The following SRP68 variants were observed in gnomAD, a reference collection of about 807,000 sequenced individuals.
SRP68 encodes the protein signal recognition particle subunit SRP68.
A neutral mutation model predicts 82.2 loss-of-function variants in SRP68; 15 were observed. That is an observed-to-expected ratio of 0.18 (90% CI 0.12 to 0.28). The LOEUF (loss-of-function observed/expected upper bound fraction) is 0.28. SRP68 is among the 10% of genes least tolerant of loss of function. The pLI is 1.00. For missense variants in SRP68, 595 were observed against 780.5 expected, an observed-to-expected ratio of 0.76 and a Z score of 2.83; for synonymous variants, 261 against 292.6, an observed-to-expected ratio of 0.89 and a Z score of 1.10.
intron 2 of SRP68, among the ~76,000 whole-genome samples, chr17:76,069,805 G>A (rs1179019684): frequency 2.7e-5 from 4 of 150,712 alleles, no homozygotes; most frequent in East Asian, 2.0e-4. Context: ...GGCCAGACAC[G>A]GTGGCTCACG....
intron 8 of SRP68, among the ~76,000 whole-genome samples, chr17:76,050,765 G>GCTGT (rs1228638820): frequency 9.5e-6 from 1 of 105,148 alleles, no homozygotes. Flanking sequence ...TGCTGAAAAA[G>GCTGT]CTGTCTGCAT....
At chr17:76,064,617 T>C (rs1361500682) in intron 3 of SRP68, among the ~76,000 whole-genome samples, 1 of 151,948 alleles carries the variant, frequency 6.6e-6, no homozygotes, top group Non-Finnish European at 1.5e-5. Flanking sequence ...GAGCCAGGCA[T>C]ATCACCTGAG....
At position 76,044,068 on chromosome 17, in the gene SRP68, G is replaced by A. The variant is rs2066611817; in HGVS notation, c.1395-110C>T. 9 of 1,285,776 alleles carry A rather than the reference G, an allele frequency of 7.0e-6. No homozygotes were observed. In the Admixed American group the frequency reaches 8.2e-5, roughly 12 times the overall value. The allele number at this position is 1,285,776 out of a possible 1,614,324, so 79.6% of individuals were successfully genotyped here. On this transcript the variant is annotated intron_variant, in intron 12 of 15. Coordinates refer to ENST00000307877, the MANE Select transcript of SRP68 (RefSeq NM_014230.4). ...CACATTTGGAAACAGGTTTCTTAAC[G>A]TGGGATCACCGCATGGGAGCCCCCT...
rs1470287869 is a variant in SRP68 at position 76,072,321 on chromosome 17, G to C, written c.171C>G (p.Ser57Arg). ...GSKANKEFGD[S>R]LSLEILQIIK... Reference sequence around the variant, plus strand: ...ACTCTAGGATACTCTCCAAACTCAGGCTATCCCCAAATTCTTTGTTTGCCT... The same window carrying C: ...ACTCTAGGATACTCTCCAAACTCAGCCTATCCCCAAATTCTTTGTTTGCCT... Residue 57 changes from serine to arginine, a missense_variant, in exon 1 of 16, where the codon AGC (serine) becomes AGG (arginine). By Grantham distance (110) the Ser-to-Arg change is moderately radical. This residue lies in a region of SRP68 where 100 missense variants were observed against 91.9 expected (regional missense o/e 1.09). Transcript: ENST00000307877. This position sits in a 1 kb window ranked among gnomAD's most constrained non-coding sequence, Gnocchi z 4.5. The C allele has an allele frequency of 6.2e-7, 1 of 1,612,228 alleles. No individual in the cohort carries two copies. Among genetic ancestry groups the C allele is most frequent in the Non-Finnish European group, 8.5e-7 (1 of 1,179,458 alleles).
At chr17:76,040,207 T>C (rs2066578872) in intron 15 of SRP68, among the ~76,000 whole-genome samples, 1 of 152,194 alleles carries the variant, frequency 6.6e-6, no homozygotes. Context: ...CGGGTGCTAC[T>C]CTTTACAGCA....
intron 8 of SRP68, among the ~76,000 whole-genome samples, chr17:76,050,775 T>C (rs959359339): frequency 1.4e-5 from 2 of 146,808 alleles, no homozygotes; most frequent in African/African-American, 5.0e-5. Context: ...GCTGTCTGCA[T>C]AACTGATCTG....
chr17:76,062,919 C>T (rs372728514), intron 4 of SRP68, among the ~76,000 whole-genome samples: 22 of 148,188 alleles, frequency 1.5e-4, no homozygotes, highest in African/African-American at 3.5e-4. Flanking sequence ...TACAGGTGTC[C>T]GCCACTACGC....
At chr17:76,054,104 T>C (rs758319474) in intron 8 of SRP68, among the ~76,000 whole-genome samples, 2 of 152,236 alleles carry the variant, frequency 1.3e-5, no homozygotes, top group African/African-American at 4.8e-5. Flanking sequence ...CAATCAATCC[T>C]AGGTCAGCTT....
In SRP68 at chr17:76,039,762, T is replaced by C. The variant is rs767746849; in HGVS notation, c.1828A>G (p.Lys610Glu). The C allele has an allele frequency of 6.2e-7, 1 of 1,614,232 alleles. No individual in the cohort carries two copies. Among genetic ancestry groups the C allele is most frequent in the Admixed American group, 1.7e-5 (1 of 60,024 alleles). ...TATCCAGTGAGGCCACTCTTGGTCT[T>C]CTGTTCCAACTTGTCCTCAAGGGGT... is the stretch of plus-strand genomic sequence containing the variant. Reference protein sequence around the residue: ...FPPLEDKLEQKTKSGLTGYIK... With the variant: ...FPPLEDKLEQETKSGLTGYIK... The change falls in exon 16 of 16, where the codon AAG becomes GAG. Residue 610 changes from lysine to glutamate, a missense_variant. This residue lies in a region of SRP68 where 495 missense variants were observed against 688.6 expected (regional missense o/e 0.72). Coordinates refer to ENST00000307877, the MANE Select transcript of SRP68 (RefSeq NM_014230.4).
Position 76,039,675 on chromosome 17 carries a change from G to A in SRP68, c.*31C>T. On this transcript the variant is annotated 3_prime_UTR_variant, in exon 16 of 16. Transcript: ENST00000307877. ...TTCTCACAATACAGATTAAGAGTCA[G>A]AATCTCCCCCGCCCCCGAGGAAGAG... is the stretch of plus-strand genomic sequence containing the variant. The A allele has an allele frequency of 1.3e-6, 2 of 1,597,000 alleles. No homozygotes were observed. The highest frequency in any genetic ancestry group is 2.2e-5 in the South Asian group (2 of 90,512).
intron 8 of SRP68, among the ~76,000 whole-genome samples, chr17:76,052,853 A>G (rs1314024843): frequency 6.6e-6 from 1 of 151,434 alleles, no homozygotes. Flanking sequence ...GGTGCAGCAA[A>G]CCACCATGGC....
intron 1 of SRP68, 31 bp from the exon 2 acceptor site, chr17:76,070,475 T>C (rs372867699): frequency 7.6e-6 from 12 of 1,580,914 alleles, no homozygotes; most frequent in South Asian, 1.1e-5. Flanking sequence ...AATCTTACCA[T>C]AGCAAGAATC....
intron 4 of SRP68, among the ~76,000 whole-genome samples, chr17:76,062,672 TATATA>T (rs2066769411): frequency 2.2e-5 from 1 of 46,234 alleles, no homozygotes; most frequent in South Asian, 3.8e-4. Context: ...TAATATACAT[TATATA>T]ATATATAATA....
intron 2 of SRP68, 23 bp downstream of exon 2, chr17:76,070,355 A>G: frequency 6.2e-7 from 1 of 1,604,328 alleles, no homozygotes; most frequent in East Asian, 2.2e-5. Flanking sequence ...ATGATTTCCA[A>G]ACATCTTGTA....
At chr17:76,064,350 G>A (rs941797281) in intron 3 of SRP68, among the ~76,000 whole-genome samples, 179 bp from the exon 4 acceptor site, 1 of 151,990 alleles carries the variant, frequency 6.6e-6, no homozygotes, top group African/African-American at 2.4e-5. Flanking sequence ...TTCCTAACCT[G>A]GGCTCAATCT....
At chr17:76,044,091 C>A (rs2066612007) in intron 12 of SRP68, 133 bp from the exon 13 acceptor site, 1 of 966,974 alleles carries the variant, frequency 1.0e-6, no homozygotes, top group Non-Finnish European at 1.5e-6. Flanking sequence ...ATGGGAGCCC[C>A]CTTCATGGGA....
intron 2 of SRP68, among the ~76,000 whole-genome samples, chr17:76,068,470 A>AAAG (rs1164550446): frequency 4.0e-5 from 6 of 151,198 alleles, no homozygotes; most frequent in Admixed American, 6.6e-5. Context: ...AAAAAAAAAA[A>AAAG]AAGAAGAAGA....
chr17:76,045,976 T>C, intron 11 of SRP68, 62 bp downstream of exon 11: 2 of 1,601,536 alleles, frequency 1.2e-6, no homozygotes, highest in South Asian at 1.1e-5. Context: ...TTAAGTCACT[T>C]TGTGTCCGAC....
chr17:76,040,807 C>T, intron 14 of SRP68, 96 bp downstream of exon 14: 1 of 1,186,784 alleles, frequency 8.4e-7, no homozygotes, highest in Admixed American at 1.9e-5. Flanking sequence ...ACCAAGACAA[C>T]CCTTTCAACC....
Sources: gnomAD v4.1 joint callset for allele counts (sites outside exome capture counted in the v4.1 genomes callset) on GRCh38, gnomAD v4.1.1 for gene constraint, gnomAD v4.1.1 regional missense constraint, Gnocchi (gnomAD v3.1) non-coding constraint, MANE v1.5 for transcripts, NCBI Gene and HGNC (gene_info 2026-07-23, HGNC 2026-07-21) for gene names.